The following CDS2 variants were observed in gnomAD, a reference collection of about 807,000 sequenced individuals.
The protein encoded by CDS2 is phosphatidate cytidylyltransferase 2.
CDS2 carries 47 observed loss-of-function variants against 59.0 expected under a neutral mutation model. The observed-to-expected ratio is 0.80, with a 90% confidence interval of 0.63 to 1.02. CDS2 has a LOEUF of 1.02. Ranked by LOEUF, CDS2 falls within the 50% of genes least tolerant of loss-of-function variation. CDS2 has a pLI of 0.00. For synonymous variants in CDS2, 207 were observed against 206.4 expected, an observed-to-expected ratio of 1.00 and a Z score of -0.02; for missense variants, 356 against 558.9, an observed-to-expected ratio of 0.64 and a Z score of 3.66.
chr20:5,171,826 A>G (rs1215626395), intron 1 of CDS2, among the ~76,000 whole-genome samples: 1 of 152,170 alleles, frequency 6.6e-6, no homozygotes, highest in East Asian at 1.9e-4. Context: ...ACCTGTCTCG[A>G]CTGTGGCAGA....
intron 1 of CDS2, among the ~76,000 whole-genome samples, chr20:5,134,847 G>T (rs1408318936): frequency 6.6e-6 from 1 of 152,118 alleles, no homozygotes; most frequent in Non-Finnish European, 1.5e-5. Context: ...TGGTAAGGTA[G>T]AAAATGAGCA....
intron 1 of CDS2, among the ~76,000 whole-genome samples, chr20:5,163,440 T>C (rs2090889925): frequency 6.6e-6 from 1 of 152,114 alleles, no homozygotes; most frequent in South Asian, 2.1e-4. Context: ...TTTGTGTTTT[T>C]AGTAGAGACA....
chr20:5,165,239 T>C (rs1415798522), intron 1 of CDS2, among the ~76,000 whole-genome samples: 3 of 152,216 alleles, frequency 2.0e-5, no homozygotes, highest in Non-Finnish European at 2.9e-5. Context: ...AGGATACATT[T>C]GGCCACAAAT....
At chr20:5,132,137 A>C (rs1192010373) in intron 1 of CDS2, among the ~76,000 whole-genome samples, 4 of 151,022 alleles carry the variant, frequency 2.6e-5, no homozygotes, top group African/African-American at 9.8e-5. Context: ...TCGCTGTGCC[A>C]CCCAGGCTAG....
intron 5 of CDS2, among the ~76,000 whole-genome samples, chr20:5,179,190 C>T (rs1299610194): frequency 3.3e-5 from 5 of 149,892 alleles, no homozygotes; most frequent in Non-Finnish European, 5.9e-5. Context: ...GGCACCATCT[C>T]GGCTGACTGC....
intron 1 of CDS2, among the ~76,000 whole-genome samples, chr20:5,150,520 A>G (rs558149210): frequency 1.3e-5 from 2 of 152,344 alleles, no homozygotes; most frequent in East Asian, 1.9e-4. Context: ...CAGCAGGGCC[A>G]TGAGGAGTGG....
chr20:5,128,610 A>G (rs576516044), intron 1 of CDS2: 3 of 152,292 alleles, frequency 2.0e-5, no homozygotes, highest in Admixed American at 6.5e-5. Flanking sequence ...AAACAAAAAC[A>G]TATTTTGGAG....
chr20:5,138,692 G>C (rs2090668234), intron 1 of CDS2, among the ~76,000 whole-genome samples: 1 of 151,878 alleles, frequency 6.6e-6, no homozygotes, highest in Non-Finnish European at 1.5e-5. Flanking sequence ...CACCACACTG[G>C]CCAGGCTGGT....
At position 5,177,209 on chromosome 20, in the gene CDS2, G is replaced by A. The variant is rs144739138; in HGVS notation, c.389+464G>A. Among the ~76,000 whole-genome samples the A allele has an allele frequency of 7.9e-5, 12 of 152,164 alleles. No homozygotes were observed. In the East Asian group the frequency reaches 2.3e-3, roughly 30 times the overall value. On this transcript the variant is annotated intron_variant, in intron 4 of 12. Transcript: ENST00000460006. ...TTTTCTAGATCAGTATATTTTTCATGCCGTCATATCTCAGCATCCCACTAG... is the reference window on the plus strand; with the variant it reads ...TTTTCTAGATCAGTATATTTTTCATACCGTCATATCTCAGCATCCCACTAG...
Position 5,183,100 on chromosome 20 carries a change from C to T in CDS2, c.628C>T (p.Gln210Ter). ...TGTGACATTGCTGATTGTTGTAACA[C>T]AGTCACATCTTGTTATCCACAACCT... Reference protein sequence around the residue: ...THVTLLIVVTQSHLVIHNLFE... With the variant: ...THVTLLIVVT The change falls in exon 7 of 13, where the codon CAG becomes TAG. Residue 210 changes from glutamine to a stop codon, truncating the protein, a stop_gained. Coordinates refer to ENST00000460006, the MANE Select transcript of CDS2 (RefSeq NM_003818.4). LOFTEE classifies it high-confidence loss of function. 1 of 1,614,094 alleles carries T rather than the reference C, an allele frequency of 6.2e-7. No homozygotes were observed. Among genetic ancestry groups the T allele is most frequent in the Non-Finnish European group, 8.5e-7 (1 of 1,179,954 alleles).
intron 1 of CDS2, among the ~76,000 whole-genome samples, chr20:5,132,617 T>C (rs983045762): frequency 3.3e-5 from 5 of 152,166 alleles, no homozygotes; most frequent in Admixed American, 1.3e-4. Context: ...AAAATTTTTT[T>C]ATGTTGAGAA....
At chr20:5,186,944 C>A in intron 10 of CDS2, 105 bp downstream of exon 10, 2 of 1,299,564 alleles carry the variant, frequency 1.5e-6, no homozygotes, top group East Asian at 2.3e-5. Context: ...TCCTCCTTCC[C>A]AAAGCTGTAA....
chr20:5,151,408 G>GTT (rs2090788255), intron 1 of CDS2, among the ~76,000 whole-genome samples: 1 of 152,150 alleles, frequency 6.6e-6, no homozygotes. Flanking sequence ...TTACTAAGAT[G>GTT]TACTAAATTA....
Position 5,176,663 on chromosome 20 carries a change from A to C in CDS2, c.307A>C (p.Ile103Leu). ...VLMIIVMCVQIKCFHEIITIG... is the reference protein window; with the variant it reads ...VLMIIVMCVQLKCFHEIITIG... ...TGTCCCGCAGGTGATGTGCGTTCAG[A>C]TTAAGTGTTTCCATGAGATAATCAC... Residue 103 changes from isoleucine (I) to leucine (L), a missense_variant, in exon 4 of 13, where the codon ATT (isoleucine) becomes CTT (leucine). By Grantham distance (5) the Ile-to-Leu change is conservative. This residue lies in a region of CDS2 where 107 missense variants were observed against 129.7 expected (regional missense o/e 0.82). Transcript: ENST00000460006. 6.2e-7 allele frequency: 1 copy of C among 1,613,724 alleles called. No homozygotes were observed. The highest frequency in any genetic ancestry group is 8.5e-7 in the Non-Finnish European group (1 of 1,179,608).
At chr20:5,173,408 G>A in intron 1 of CDS2, 115 bp from the exon 2 acceptor site, 1 of 1,197,508 alleles carries the variant, frequency 8.4e-7, no homozygotes, top group African/African-American at 1.5e-5. Flanking sequence ...ACTGTGCCAG[G>A]TTCTTAGGCC....
chr20:5,172,887 C>T (rs184517266), intron 1 of CDS2, among the ~76,000 whole-genome samples: 36 of 152,242 alleles, frequency 2.4e-4, no homozygotes, highest in Admixed American at 1.0e-3. Context: ...GTTCCCTCAC[C>T]CAGGCTGGGA....
intron 1 of CDS2, among the ~76,000 whole-genome samples, chr20:5,143,198 G>T (rs76928621): frequency 0.015 from 2,303 of 152,162 alleles, 59 homozygotes; most frequent in African/African-American, 0.052. Context: ...AGTATCATTA[G>T]CCATCTGAGA....
chr20:5,191,649 C>T lies in CDS2; in HGVS notation c.*1415C>T, dbSNP rs1293862700. ...GTTTGTAAATTAGCCTCACTGCCTC[C>T]CTGAAAGTGCACAGTCAGCCCAGGT... is the stretch of plus-strand genomic sequence containing the variant. On this transcript the variant is annotated 3_prime_UTR_variant, in exon 13 of 13. Coordinates refer to ENST00000460006, the MANE Select transcript of CDS2 (RefSeq NM_003818.4). The T allele has an allele frequency of 6.6e-6, 1 of 152,184 alleles. No individual in the cohort carries two copies. The highest frequency in any genetic ancestry group is 2.4e-5 in the African/African-American group (1 of 41,408). 9.4% of individuals were successfully genotyped at this position (152,184 alleles called of 1,614,324 possible).
In CDS2 at chr20:5,190,172, A is replaced by T. The variant is rs1398270842; in HGVS notation, c.1276A>T (p.Asn426Tyr). The T allele has an allele frequency of 2.5e-6, 4 of 1,613,802 alleles. No homozygotes were observed. The highest frequency in any genetic ancestry group is 1.7e-5 in the Admixed American group (1 of 59,974). Residue 426 changes from asparagine (N) to tyrosine (Y), a missense_variant, in exon 13 of 13, where the codon AAC (asparagine) becomes TAC (tyrosine). This residue lies in a region of CDS2 where 33 missense variants were observed against 27.9 expected (regional missense o/e 1.18). Transcript: ENST00000460006. ...GCCAGATCAGCAGCTCCACATCTTCAACACGCTGCGGTCTCATCTGATCGA... is the reference window on the plus strand; with the variant it reads ...GCCAGATCAGCAGCTCCACATCTTCTACACGCTGCGGTCTCATCTGATCGA... ...LRPDQQLHIF[N>Y]TLRSHLIDKG... is the part of the protein sequence containing the mutation.
Sources: gnomAD v4.1 joint callset for allele counts (sites outside exome capture counted in the v4.1 genomes callset) on GRCh38, gnomAD v4.1.1 for gene constraint, gnomAD v4.1.1 regional missense constraint, MANE v1.5 for transcripts, NCBI Gene and HGNC (gene_info 2026-07-23, HGNC 2026-07-21) for gene names.